The following NTNG1 variants were observed in gnomAD, a reference collection of about 807,000 sequenced individuals.
NTNG1 encodes the protein netrin-G1.
In NTNG1, 16 loss-of-function variants were observed where a neutral mutation model predicts 54.0. The observed-to-expected ratio is 0.30, with a 90% CI of 0.20 to 0.45. The LOEUF (loss-of-function observed/expected upper bound fraction) is 0.45. Among genes scored for constraint, NTNG1 ranks in the 20% least tolerant of loss-of-function variants. NTNG1 has a pLI of 1.00. For synonymous variants in NTNG1, 255 were observed against 263.1 expected, an observed-to-expected ratio of 0.97 and a Z score of 0.30; for missense variants, 530 against 678.7, an observed-to-expected ratio of 0.78 and a Z score of 2.43.
chr1:107,294,165 C>G (rs904269016), intron 2 of NTNG1, among the ~76,000 whole-genome samples: 3 of 152,130 alleles, frequency 2.0e-5, no homozygotes, highest in African/African-American at 7.2e-5. Flanking sequence ...TGGTGTGTAT[C>G]CAACCAACAA....
At chr1:107,282,547 A>G (rs1052304705) in intron 2 of NTNG1, among the ~76,000 whole-genome samples, 3 of 152,146 alleles carry the variant, frequency 2.0e-5, no homozygotes, top group African/African-American at 7.2e-5. Context: ...CTATTGCATA[A>G]TCAGGCAATG....
chr1:107,168,454 A>T (rs1032956949), intron 2 of NTNG1, among the ~76,000 whole-genome samples: 10 of 152,048 alleles, frequency 6.6e-5, no homozygotes, highest in Non-Finnish European at 1.3e-4. Context: ...TCTCTCTCTC[A>T]GTAGAAACTT....
intron 2 of NTNG1, among the ~76,000 whole-genome samples, chr1:107,307,193 A>T (rs1351814709): frequency 4.6e-5 from 7 of 152,246 alleles, no homozygotes. Flanking sequence ...CACCATAAAT[A>T]GTAAAATTGC....
At chr1:107,386,375 T>C (rs1371830509) in intron 3 of NTNG1, among the ~76,000 whole-genome samples, 1 of 151,886 alleles carries the variant, frequency 6.6e-6, no homozygotes, top group Non-Finnish European at 1.5e-5. Flanking sequence ...GGTTTCGCCA[T>C]GTTGGCCAGG....
chr1:107,223,761 T>C (rs1660504466), intron 2 of NTNG1, among the ~76,000 whole-genome samples: 3 of 152,168 alleles, frequency 2.0e-5, no homozygotes, highest in Admixed American at 2.0e-4. Flanking sequence ...GAAAGGCCTT[T>C]TCTTTTAAGG....
chr1:107,289,742 G>T (rs1326565871), intron 2 of NTNG1, among the ~76,000 whole-genome samples: 1 of 152,092 alleles, frequency 6.6e-6, no homozygotes, highest in Non-Finnish European at 1.5e-5. Flanking sequence ...CATACAGCCT[G>T]GCATAGAGTA....
intron 6 of NTNG1, 148 bp from the exon 7 acceptor site, chr1:107,436,517 T>A: frequency 3.6e-6 from 2 of 551,234 alleles, no homozygotes; most frequent in Admixed American, 3.7e-5. Context: ...AATAAATGGT[T>A]GTGAAATAGC....
intron 3 of NTNG1, among the ~76,000 whole-genome samples, chr1:107,353,963 C>A (rs923065833): frequency 2.0e-5 from 3 of 152,162 alleles, no homozygotes; most frequent in African/African-American, 7.2e-5. Flanking sequence ...CACTCACTAT[C>A]ATGAAACCAA....
intron 3 of NTNG1, among the ~76,000 whole-genome samples, chr1:107,327,512 A>T (rs1469622717): frequency 2.0e-5 from 3 of 152,190 alleles, no homozygotes; most frequent in African/African-American, 7.2e-5. Context: ...ATATTAATTG[A>T]TAATCTCTAA....
At chr1:107,462,376 A>G (rs766522192) in intron 7 of NTNG1, among the ~76,000 whole-genome samples, 1 of 152,120 alleles carries the variant, frequency 6.6e-6, no homozygotes, top group Non-Finnish European at 1.5e-5. Flanking sequence ...TAGAGAGACT[A>G]TTTACCCTCC....
chr1:107,217,590 G>T (rs1433683785), intron 2 of NTNG1, among the ~76,000 whole-genome samples: 1 of 152,112 alleles, frequency 6.6e-6, no homozygotes, highest in South Asian at 2.1e-4. Flanking sequence ...GGCATTTAAT[G>T]CTATGAACTT....
intron 2 of NTNG1, among the ~76,000 whole-genome samples, chr1:107,207,028 A>C (rs1433396049): frequency 6.6e-6 from 1 of 152,188 alleles, no homozygotes; most frequent in Non-Finnish European, 1.5e-5. Flanking sequence ...AAAGGAAAAA[A>C]AATTAAGATT....
chr1:107,216,524 CA>C (rs1659969581), intron 2 of NTNG1, among the ~76,000 whole-genome samples: 1 of 152,026 alleles, frequency 6.6e-6, no homozygotes, highest in Admixed American at 6.6e-5. Flanking sequence ...ATTATCTTTT[CA>C]ATATGCTTTT....
At chr1:107,198,543 C>G (rs529191362) in intron 2 of NTNG1, among the ~76,000 whole-genome samples, 18 of 151,872 alleles carry the variant, frequency 1.2e-4, no homozygotes, top group African/African-American at 3.9e-4. Context: ...AATATTTGTC[C>G]AAAAGTTCAG....
chr1:107,452,025 G>C (rs948352488), intron 7 of NTNG1, among the ~76,000 whole-genome samples: 2 of 152,096 alleles, frequency 1.3e-5, no homozygotes, highest in Non-Finnish European at 2.9e-5. Context: ...TACTAAGTGT[G>C]TCTTGTTGAA....
At chr1:107,455,792 A>T (rs911110590) in intron 7 of NTNG1, among the ~76,000 whole-genome samples, 8 of 152,170 alleles carry the variant, frequency 5.3e-5, no homozygotes, top group Non-Finnish European at 1.2e-4. Context: ...GTTGCCCCGG[A>T]GACAGGAATG....
At chr1:107,241,377 G>A (rs111953801) in intron 2 of NTNG1, among the ~76,000 whole-genome samples, 1,584 of 152,234 alleles carry the variant, frequency 0.01, 31 homozygotes, top group African/African-American at 0.036. Context: ...CCAAGCCTGG[G>A]TATAAATGGA....
intron 3 of NTNG1, among the ~76,000 whole-genome samples, chr1:107,378,302 G>T (rs1293867271): frequency 6.6e-6 from 1 of 152,176 alleles, no homozygotes; most frequent in Non-Finnish European, 1.5e-5. Flanking sequence ...TTCTGATGAG[G>T]TGAAAGACTG....
At chr1:107,182,247 G>A (rs1657125745) in intron 2 of NTNG1, among the ~76,000 whole-genome samples, 1 of 152,022 alleles carries the variant, frequency 6.6e-6, no homozygotes, top group Non-Finnish European at 1.5e-5. Flanking sequence ...AAAAAGTATA[G>A]GCACAAGTAC....
Sources: allele counts gnomAD v4.1 joint callset (sites outside exome capture counted in the v4.1 genomes callset), GRCh38; gene constraint gnomAD v4.1.1; transcripts MANE v1.5; gene names NCBI Gene and HGNC (gene_info 2026-07-23, HGNC 2026-07-21).